MTMR3: variants seen among roughly 807,000 people sequenced by gnomAD.
MTMR3 encodes the protein phosphatidylinositol-3,5-bisphosphate 3-phosphatase MTMR3.
MTMR3 carries 32 observed loss-of-function variants against 132.4 expected under a neutral mutation model. The observed-to-expected ratio is 0.24, with a 90% CI of 0.18 to 0.32. The LOEUF is 0.32. Among genes scored for constraint, MTMR3 ranks in the 10% least tolerant of loss-of-function variants. MTMR3 has a pLI of 1.00. For missense variants in MTMR3, 1,216 were observed against 1,489.6 expected (o/e 0.82, Z 3.02); for synonymous variants, 556 against 550.3 (o/e 1.01, Z -0.14).
chr22:29,893,070 A>G (rs1480643402), intron 1 of MTMR3, among the ~76,000 whole-genome samples: 1 of 152,222 alleles, frequency 6.6e-6, no homozygotes, highest in African/African-American at 2.4e-5. Flanking sequence ...CTAGCAGTTA[A>G]TACATTGCCT....
At position 30,013,424 on chromosome 22, in the gene MTMR3, T is replaced by A; in HGVS notation, c.1386T>A (p.His462Gln). The A allele has an allele frequency of 6.2e-7, 1 of 1,614,124 alleles. No homozygotes were observed. The highest frequency in any genetic ancestry group is 8.5e-7 in the Non-Finnish European group (1 of 1,179,992). Residue 462 changes from histidine (H) to glutamine (Q), a missense_variant, in exon 14 of 20, where the codon CAT (histidine) becomes CAA (glutamine). Coordinates refer to ENST00000401950, the MANE Select transcript of MTMR3 (RefSeq NM_021090.4). ...FGHKFADRCG[H>Q]GENSDDLNER... ...ATAAATTTGCTGACCGGTGTGGTCATGGGGAGAACTCGGATGATCTGAATG... is the reference window on the plus strand; with the variant it reads ...ATAAATTTGCTGACCGGTGTGGTCAAGGGGAGAACTCGGATGATCTGAATG...
At chr22:29,895,024 A>G (rs1056654646) in intron 1 of MTMR3, among the ~76,000 whole-genome samples, 4 of 152,176 alleles carry the variant, frequency 2.6e-5, no homozygotes, top group Non-Finnish European at 1.5e-5. Context: ...CCTGGCTAAC[A>G]TGGCAAAACC....
chr22:29,885,304 C>T (rs2064651438), intron 1 of MTMR3, among the ~76,000 whole-genome samples: 1 of 152,184 alleles, frequency 6.6e-6, no homozygotes, highest in Non-Finnish European at 1.5e-5. Context: ...TTAATTATGA[C>T]TTCTCAGGGT....
chr22:29,999,849 TAAA>T (rs769545015), intron 8 of MTMR3: 1 of 152,098 alleles, frequency 6.6e-6, no homozygotes, highest in Non-Finnish European at 1.5e-5. Flanking sequence ...CTGTCTCTAC[TAAA>T]AATACAAAAA....
At chr22:29,966,749 G>A (rs1569028130) in intron 2 of MTMR3, among the ~76,000 whole-genome samples, 4 of 150,008 alleles carry the variant, frequency 2.7e-5, no homozygotes, top group Non-Finnish European at 4.4e-5. Context: ...GTGTGTGTGT[G>A]TGTGTGTGTG....
At chr22:30,002,772 T>C in intron 8 of MTMR3, 108 bp from the exon 9 acceptor site, 1 of 786,004 alleles carries the variant, frequency 1.3e-6, no homozygotes, top group Non-Finnish European at 2.1e-6. Flanking sequence ...TCTGTGGCAG[T>C]GAGATCATCA....
At chr22:29,927,939 GT>G (rs764629136) in intron 1 of MTMR3, among the ~76,000 whole-genome samples, 146 of 107,376 alleles carry the variant, frequency 1.4e-3, no homozygotes, top group African/African-American at 4.1e-3. Context: ...TCTAGCCTTT[GT>G]TTTTTTTTTT....
chr22:29,950,572 C>G (rs1468795609), intron 1 of MTMR3, among the ~76,000 whole-genome samples: 1 of 152,100 alleles, frequency 6.6e-6, no homozygotes, highest in African/African-American at 2.4e-5. Context: ...CCATGTTAGT[C>G]AGGCCGGTCT....
intron 2 of MTMR3, among the ~76,000 whole-genome samples, chr22:29,968,240 A>G (rs1207847554): frequency 1.3e-5 from 2 of 152,110 alleles, no homozygotes; most frequent in Admixed American, 1.3e-4. Context: ...TTCCATCTAC[A>G]TCTGACATTA....
intron 5 of MTMR3, chr22:29,982,313 TCCTGAAA>T (rs572940631): frequency 1.3e-5 from 2 of 151,590 alleles, no homozygotes; most frequent in African/African-American, 2.4e-5. Flanking sequence ...GCTAAGAGAT[TCCTGAAA>T]CCTGAAACCT....
At chr22:29,898,555 A>AC (rs1568995176) in intron 1 of MTMR3, among the ~76,000 whole-genome samples, 1 of 152,038 alleles carries the variant, frequency 6.6e-6, no homozygotes, top group South Asian at 2.1e-4. Flanking sequence ...GTGTTGGGCC[A>AC]CCATTCCCTG....
chr22:29,953,191 A>G (rs2066117901), intron 1 of MTMR3, among the ~76,000 whole-genome samples: 1 of 152,222 alleles, frequency 6.6e-6, no homozygotes, highest in East Asian at 1.9e-4. Flanking sequence ...GACTATGTAG[A>G]AAGTATTCTG....
Position 30,022,082 on chromosome 22 carries a change from C to T in MTMR3, c.3279C>T (p.Cys1093=). The change falls in exon 18 of 20, where the codon TGC becomes TGT. Residue 1093 remains cysteine, a synonymous_variant. Transcript: ENST00000401950. ...SNLDQNCLSR[C]STEIFSEASW... is the part of the protein sequence containing the mutation. ...TGGATCAGAACTGTTTGTCTCGCTG[C>T]AGCACAGAGATTTTCTCTGAAGCCA... 6.2e-7 allele frequency: 1 copy of T among 1,614,228 alleles called. No individual in the cohort carries two copies. The highest frequency in any genetic ancestry group is 8.5e-7 in the Non-Finnish European group (1 of 1,180,046).
intron 6 of MTMR3, chr22:29,989,874 G>A (rs1297691327): frequency 3.3e-5 from 5 of 152,164 alleles, no homozygotes. Flanking sequence ...AAATGTCCCT[G>A]CTTCTCATAA....
rs2066415902 is a variant in MTMR3, at chr22:29,966,421, T to G, written c.-84-4555T>G. Among the ~76,000 whole-genome samples the G allele has an allele frequency of 2.6e-5, 4 of 152,230 alleles. No homozygotes were observed. In the South Asian group the frequency reaches 8.3e-4, roughly 32 times the overall value. ...CTTAAGTCTCTCTTAATTCTGTAGG[T>G]TTCCCTTCTATGTCGGTCTTTTGTC... On this transcript the variant is annotated intron_variant, in intron 2 of 19. Transcript: ENST00000401950.
At chr22:29,935,389 T>G (rs2065728707) in intron 1 of MTMR3, among the ~76,000 whole-genome samples, 1 of 152,092 alleles carries the variant, frequency 6.6e-6, no homozygotes, top group Admixed American at 6.6e-5. Context: ...CTGAATTGGG[T>G]TTTGAGACAA....
At chr22:29,928,098 G>A (rs1488566866) in intron 1 of MTMR3, among the ~76,000 whole-genome samples, 1 of 149,748 alleles carries the variant, frequency 6.7e-6, no homozygotes, top group African/African-American at 2.5e-5. Context: ...AAACCACCAC[G>A]CCTGTCTAGC....
At chr22:29,942,687 A>T (rs568319221) in intron 1 of MTMR3, among the ~76,000 whole-genome samples, 25 of 152,374 alleles carry the variant, frequency 1.6e-4, no homozygotes, top group African/African-American at 4.6e-4. Context: ...GAGAAAAAGA[A>T]TTCAGCGATA....
chr22:30,023,412 T>C, intron 19 of MTMR3: 1 of 1,611,602 alleles, frequency 6.2e-7, no homozygotes, highest in African/African-American at 1.3e-5. Context: ...AGCCCAGATA[T>C]CTTTGGTTGG....
Sources: gnomAD v4.1 joint callset for allele counts (sites outside exome capture counted in the v4.1 genomes callset) on GRCh38, gnomAD v4.1.1 for gene constraint, MANE v1.5 for transcripts, NCBI Gene and HGNC (gene_info 2026-07-23, HGNC 2026-07-21) for gene names.